FBLN1: variants seen among roughly 807,000 people sequenced by gnomAD.
The protein encoded by FBLN1 is fibulin 1, also known as fibulin-1.
A neutral mutation model predicts 89.7 loss-of-function variants in FBLN1; 34 were observed. The observed-to-expected ratio is 0.38, with a 90% CI of 0.29 to 0.50. FBLN1 has a LOEUF of 0.50. Ranked by LOEUF, FBLN1 falls within the 20% of genes least tolerant of loss-of-function variation. The probability of loss-of-function intolerance (pLI) is 0.92; values close to 1 mark genes in which losing one functional copy is unlikely to be tolerated. For missense variants in FBLN1, 777 were observed against 988.1 expected, an observed-to-expected ratio of 0.79 and a Z score of 2.86; for synonymous variants, 393 against 391.3, an observed-to-expected ratio of 1.00 and a Z score of -0.05.
intron 1 of FBLN1, among the ~76,000 whole-genome samples, chr22:45,507,380 ACT>A (rs1173125746): frequency 1.3e-5 from 2 of 151,858 alleles, no homozygotes; most frequent in East Asian, 1.9e-4. Flanking sequence ...ACACCCACAA[ACT>A]CTCTGCCTCT....
In FBLN1 at chr22:45,518,607, T is replaced by C; in HGVS notation, c.80-75T>C. ...TCAAGACAGAAGGACGTGCGTGTCC[T>C]GGTGGTGCATCTGGGAGGGCCCTCC... On this transcript the variant is annotated intron_variant, in intron 1 of 16. Transcript: ENST00000327858. 7 of 1,053,794 alleles carry C rather than the reference T, an allele frequency of 6.6e-6. No homozygotes were observed. In the South Asian group the frequency reaches 8.1e-5, roughly 12 times the overall value. The allele number at this position is 1,053,794 out of a possible 1,614,324, so 65.3% of individuals were successfully genotyped here. A position where few individuals can be genotyped will look rare whatever the true frequency, so the allele number is the denominator to read the frequency against.
chr22:45,583,837 A>G lies in FBLN1; in HGVS notation c.1972+6729A>G, dbSNP rs1278641421. On this transcript the variant is annotated intron_variant, in intron 16 of 16. Transcript: ENST00000327858. The surrounding 1 kb of genome is among the most constrained non-coding windows in gnomAD (Gnocchi z 4.5). The stretch of plus-strand genomic sequence containing the variant: ...GAGACAGAGAGAGACCTGTGGGACC[A>G]AAGCCTTTACTGGGGTCCAGGGTGT... Among the ~76,000 whole-genome samples, 5 of 152,192 alleles carry G rather than the reference A, an allele frequency of 3.3e-5. No homozygotes were observed. The highest frequency in any genetic ancestry group is 7.3e-5 in the Non-Finnish European group (5 of 68,030).
At position 45,546,943 on chromosome 22, in the gene FBLN1, A is replaced by AAC. The variant is rs2088636632; in HGVS notation, c.1322-142_1322-141insAC. ...CAGCGATGACGCCTCTCCCTCGGCC[A>AAC]CACCCCCCGGGACCTCTGTCTCTCC... On this transcript the variant is annotated intron_variant, in intron 11 of 16. Coordinates refer to ENST00000327858, the MANE Select transcript of FBLN1 (RefSeq NM_006486.3). The AAC allele has an allele frequency of 3.0e-6, 4 of 1,345,486 alleles. No individual in the cohort carries two copies. In the East Asian group the frequency reaches 9.3e-5, roughly 31 times the overall value. The allele number at this position is 1,345,486 out of a possible 1,614,324, so 83.3% of individuals were successfully genotyped here.
chr22:45,548,643 GCCA>G lies in FBLN1; in HGVS notation c.1474_1476del (p.His492del). The G allele has an allele frequency of 6.2e-7, 1 of 1,613,808 alleles. No homozygotes were observed. Among genetic ancestry groups the G allele is most frequent in the Non-Finnish European group, 8.5e-7 (1 of 1,180,018 alleles). ...GACGAGTGCGCCCTGCCCACCGGGG[GCCA>G]CATCTGCTCCTACCGCTGCATCAAC... On this transcript the variant is annotated inframe_deletion, in exon 13 of 17. Transcript: ENST00000327858.
In FBLN1 at chr22:45,577,190, A is replaced by T; in HGVS notation, c.1972+82A>T. Reference sequence around the variant, plus strand: ...CCCTCTCTGGCCCAGCCCAACTCCCATCTGAGTCCCCTCCCCAAATTCAAG... The same window carrying T: ...CCCTCTCTGGCCCAGCCCAACTCCCTTCTGAGTCCCCTCCCCAAATTCAAG... On this transcript the variant is annotated intron_variant, in intron 16 of 16. Coordinates refer to ENST00000327858, the MANE Select transcript of FBLN1 (RefSeq NM_006486.3). The surrounding 1 kb of genome is among the most constrained non-coding windows in gnomAD (Gnocchi z 6.6). 2 of 1,499,306 alleles carry T rather than the reference A, an allele frequency of 1.3e-6. No individual in the cohort carries two copies. Among genetic ancestry groups the T allele is most frequent in the Non-Finnish European group, 1.8e-6 (2 of 1,088,558 alleles). The allele number at this position is 1,499,306 out of a possible 1,614,324, so 92.9% of individuals were successfully genotyped here. A position where few individuals can be genotyped will look rare whatever the true frequency, so the allele number is the denominator to read the frequency against.
intron 14 of FBLN1, among the ~76,000 whole-genome samples, chr22:45,573,905 A>G (rs1324255525): frequency 1.3e-5 from 2 of 152,206 alleles, no homozygotes; most frequent in African/African-American, 4.8e-5. Flanking sequence ...TCCGTGTTTT[A>G]TTTTATGATC....
At chr22:45,593,156 A>ACC (rs150171236) in intron 16 of FBLN1, among the ~76,000 whole-genome samples, 9 of 133,604 alleles carry the variant, frequency 6.7e-5, no homozygotes, top group African/African-American at 2.0e-4. Context: ...AGGCAGAGAG[A>ACC]CCCCCCCCAC....
intron 14 of FBLN1, among the ~76,000 whole-genome samples, chr22:45,555,314 A>G (rs1360922928): frequency 6.8e-6 from 1 of 146,050 alleles, no homozygotes; most frequent in Non-Finnish European, 1.5e-5. Flanking sequence ...TATATGGAAT[A>G]TATATATAAA....
chr22:45,573,992 C>T (rs931745085), intron 14 of FBLN1, among the ~76,000 whole-genome samples: 83 of 152,304 alleles, frequency 5.4e-4, no homozygotes, highest in Middle Eastern at 3.4e-3. Flanking sequence ...TCTGCCTCCC[C>T]GTCACCTGGT....
At chr22:45,527,730 A>G (rs2088348028) in intron 3 of FBLN1, 117 bp from the exon 4 acceptor site, 1 of 1,035,540 alleles carries the variant, frequency 9.7e-7, no homozygotes, top group Non-Finnish European at 1.5e-6. Flanking sequence ...GACTTGAGTC[A>G]TCACTCTACA....
At chr22:45,569,786 C>T (rs60284255) in intron 14 of FBLN1, among the ~76,000 whole-genome samples, 4,348 of 152,226 alleles carry the variant, frequency 0.029, 205 homozygotes, top group African/African-American at 0.098. Context: ...AGAACCAAAC[C>T]TGCCAACACC....
Position 45,503,033 on chromosome 22 carries a change from G to T in FBLN1, c.48G>T (p.Leu16=). Residue 16 remains leucine, a synonymous_variant, in exon 1 of 17, where the codon CTG becomes CTT. Transcript: ENST00000327858. Reference sequence around the variant, plus strand: ...GCCGGGTCCCGCTTCCGCTGCTGCTGCTCGGCGGCCTTGCGCTGCTGGCGG... The same window carrying T: ...GCCGGGTCCCGCTTCCGCTGCTGCTTCTCGGCGGCCTTGCGCTGCTGGCGG... ...PSRRVPLPLL[L]LGGLALLAAG... is the part of the protein sequence containing the mutation. The T allele has an allele frequency of 8.0e-7, 1 of 1,253,446 alleles. No individual in the cohort carries two copies. Among genetic ancestry groups the T allele is most frequent in the Non-Finnish European group, 1.0e-6 (1 of 1,000,130 alleles). The allele number at this position is 1,253,446 out of a possible 1,614,324, so 77.6% of individuals were successfully genotyped here.
At chr22:45,594,482 C>T (rs771812568) in intron 16 of FBLN1, among the ~76,000 whole-genome samples, 17 of 152,180 alleles carry the variant, frequency 1.1e-4, no homozygotes, top group Non-Finnish European at 2.4e-4. Context: ...CATATTTATT[C>T]CTCAAAACCC....
At position 45,589,211 on chromosome 22, in the gene FBLN1, G is replaced by A. The variant is rs1242433799; in HGVS notation, c.1973-11096G>A. Among the ~76,000 whole-genome samples, 5 of 151,754 alleles carry A rather than the reference G, an allele frequency of 3.3e-5. No homozygotes were observed. The East Asian group carries it at 9.7e-4, about 29-fold the overall frequency. ...ATCATTATTCCCATTTTCCAGATGA[G>A]GAAACTGAGGCACACAGGAGCTTCC... On this transcript the variant is annotated intron_variant, in intron 16 of 16. Transcript: ENST00000327858.
At chr22:45,585,685 G>A (rs547554789) in intron 16 of FBLN1, among the ~76,000 whole-genome samples, 24 of 152,292 alleles carry the variant, frequency 1.6e-4, no homozygotes, top group African/African-American at 5.8e-4. Flanking sequence ...GATCAGCTGC[G>A]GCCTGACTCC....
chr22:45,528,223 C>T (rs965137047), intron 4 of FBLN1, among the ~76,000 whole-genome samples: 5 of 152,308 alleles, frequency 3.3e-5, no homozygotes, highest in African/African-American at 9.6e-5. Context: ...GCTGGCAGAA[C>T]GCCGCCTTTC....
intron 10 of FBLN1, among the ~76,000 whole-genome samples, chr22:45,543,084 T>C (rs1057460486): frequency 6.6e-6 from 1 of 152,150 alleles, no homozygotes; most frequent in Non-Finnish European, 1.5e-5. Context: ...CTGGCCAACA[T>C]GACGAAACCT....
chr22:45,568,965 G>A (rs751335716), intron 14 of FBLN1, among the ~76,000 whole-genome samples: 2 of 152,208 alleles, frequency 1.3e-5, no homozygotes, highest in Non-Finnish European at 2.9e-5. Flanking sequence ...GTCATCACAT[G>A]ATCTTGTGTG....
At position 45,578,662 on chromosome 22, in the gene FBLN1, T is replaced by C. The variant is rs1395613891; in HGVS notation, c.1972+1554T>C. Among the ~76,000 whole-genome samples, 5 of 152,140 alleles carry C rather than the reference T, an allele frequency of 3.3e-5. No individual in the cohort carries two copies. Among genetic ancestry groups the C allele is most frequent in the Non-Finnish European group, 7.4e-5 (5 of 68,018 alleles). On this transcript the variant is annotated intron_variant, in intron 16 of 16. Coordinates refer to ENST00000327858, the MANE Select transcript of FBLN1 (RefSeq NM_006486.3). This position sits in a 1 kb window ranked among gnomAD's most constrained non-coding sequence, Gnocchi z 4.6. Reference sequence around the variant, plus strand: ...CCTGTCCCACTGGGTGGGTGGGGTATGCACCCTGACACTGGCCCACAGCCG... The same window carrying C: ...CCTGTCCCACTGGGTGGGTGGGGTACGCACCCTGACACTGGCCCACAGCCG...
Sources: gnomAD v4.1 joint callset for allele counts (sites outside exome capture counted in the v4.1 genomes callset) on GRCh38, gnomAD v4.1.1 for gene constraint, Gnocchi (gnomAD v3.1) non-coding constraint, MANE v1.5 for transcripts, NCBI Gene and HGNC (gene_info 2026-07-23, HGNC 2026-07-21) for gene names.